The following RTN1 variants were observed in gnomAD, a reference collection of about 807,000 sequenced individuals.
RTN1 encodes reticulon-1.
Under a neutral mutation model 65.5 loss-of-function variants are expected in RTN1, and 25 were observed. The ratio of observed to expected loss-of-function variants is 0.38; its 90% CI spans 0.28 to 0.53. RTN1 has a LOEUF of 0.53. Among genes scored for constraint, RTN1 ranks in the 20% least tolerant of loss-of-function variants. RTN1 has a pLI of 0.79. For synonymous variants in RTN1, 471 were observed against 447.6 expected (o/e 1.05, Z -0.66); for missense variants, 983 against 1,025.4 (o/e 0.96, Z 0.57).
rs781043037 is a variant in RTN1 at position 59,603,916 on chromosome 14, T to C, written c.2118A>G (p.Ala706=). ...CGTAGGTCAGGAGCCACATCAGGAC[T>C]GCAAACTGAAGAACGAAAGCATTAT... The part of the protein sequence containing the change: ...VQDLVDSLKF[A]VLMWLLTYVG... Residue 706 remains alanine (A), a synonymous_variant, in exon 6 of 9, where the codon GCA becomes GCG. Transcript: ENST00000267484. 1 of 1,611,116 alleles carries C rather than the reference T, an allele frequency of 6.2e-7. No individual in the cohort carries two copies. Among genetic ancestry groups the C allele is most frequent in the South Asian group, 1.1e-5 (1 of 91,034 alleles).
intron 3 of RTN1, among the ~76,000 whole-genome samples, chr14:59,666,426 G>A (rs1236468492): frequency 6.6e-6 from 1 of 152,056 alleles, no homozygotes. Context: ...GAATCTCTGG[G>A]ACACATTTAA....
At chr14:59,786,573 G>C (rs1886253281) in intron 1 of RTN1, among the ~76,000 whole-genome samples, 1 of 152,156 alleles carries the variant, frequency 6.6e-6, no homozygotes, top group South Asian at 2.1e-4. Flanking sequence ...ACCCTTTTCA[G>C]ATTTTTCATT....
At chr14:59,729,132 A>G (rs770687152) in intron 2 of RTN1, among the ~76,000 whole-genome samples, 2 of 152,202 alleles carry the variant, frequency 1.3e-5, no homozygotes, top group Non-Finnish European at 2.9e-5. Context: ...TCATGAAGAT[A>G]TCCAGAGGAA....
Position 59,868,474 on chromosome 14 carries a change from A to AT in RTN1, c.241+1915dup, listed in dbSNP as rs765674731. Among the ~76,000 whole-genome samples, 51 of 152,222 alleles carry AT rather than the reference A, an allele frequency of 3.4e-4. No individual in the cohort carries two copies. The highest frequency in any genetic ancestry group is 6.8e-4 in the Non-Finnish European group (46 of 68,040). ...TAATAATACTAAAAATGCAAAATGC[A>AT]TTGTTATTTACTACAGCCACCTTTC... On this transcript the variant is annotated intron_variant, in intron 1 of 8. Transcript: ENST00000267484. The surrounding 1 kb of genome is among the most constrained non-coding windows in gnomAD (Gnocchi z 4.0).
chr14:59,847,032 C>A (rs1887423359), intron 1 of RTN1, among the ~76,000 whole-genome samples: 1 of 152,194 alleles, frequency 6.6e-6, no homozygotes, highest in Non-Finnish European at 1.5e-5. Flanking sequence ...GGTGCTGTCC[C>A]TCTCTGAATA....
chr14:59,789,564 T>C (rs1250575563), intron 1 of RTN1, among the ~76,000 whole-genome samples: 1 of 152,186 alleles, frequency 6.6e-6, no homozygotes, highest in Non-Finnish European at 1.5e-5. Flanking sequence ...GATGCTTTTC[T>C]AGGAACTATA....
intron 3 of RTN1, chr14:59,630,781 A>G (rs1882533516): frequency 1.9e-6 from 2 of 1,057,160 alleles, no homozygotes; most frequent in Non-Finnish European, 2.3e-6. Flanking sequence ...GGGCTGCCCA[A>G]GGGTGCTACC....
At chr14:59,837,250 T>C (rs1348023071) in intron 1 of RTN1, among the ~76,000 whole-genome samples, 2 of 152,080 alleles carry the variant, frequency 1.3e-5, no homozygotes, top group Non-Finnish European at 2.9e-5. Flanking sequence ...ATGGTGTTGA[T>C]GATTGGTTAA....
intron 1 of RTN1, among the ~76,000 whole-genome samples, chr14:59,773,051 C>T (rs139933490): frequency 1.1e-4 from 17 of 152,072 alleles, no homozygotes; most frequent in East Asian, 3.9e-4. Context: ...AGTAAAACTG[C>T]GGAGCAATTA....
At chr14:59,864,745 A>G (rs1887768859) in intron 1 of RTN1, among the ~76,000 whole-genome samples, 1 of 152,204 alleles carries the variant, frequency 6.6e-6, no homozygotes, top group Non-Finnish European at 1.5e-5. Flanking sequence ...TTGAAAGGTA[A>G]GGTGTGAAGA....
At chr14:59,620,193 G>C (rs1882217554) in intron 3 of RTN1, among the ~76,000 whole-genome samples, 1 of 152,176 alleles carries the variant, frequency 6.6e-6, no homozygotes, top group Non-Finnish European at 1.5e-5. Flanking sequence ...GGAAGTTACA[G>C]TTGTGGCCAC....
At chr14:59,812,187 CAT>C (rs1350403370) in intron 1 of RTN1, among the ~76,000 whole-genome samples, 6 of 152,194 alleles carry the variant, frequency 3.9e-5, no homozygotes, top group Non-Finnish European at 8.8e-5. Context: ...TATCAAATAA[CAT>C]ATGCATTCCT....
intron 3 of RTN1, among the ~76,000 whole-genome samples, chr14:59,670,646 TCAACTATA>T (rs11278202): frequency 0.4 from 60,941 of 151,658 alleles, 12,748 homozygotes; most frequent in African/African-American, 0.51. Context: ...CCAATCTCCT[TCAACTATA>T]TGTGTCAGTA....
At chr14:59,628,616 G>GCT (rs1882462458) in intron 3 of RTN1, among the ~76,000 whole-genome samples, 2 of 152,158 alleles carry the variant, frequency 1.3e-5, no homozygotes, top group African/African-American at 4.8e-5. Context: ...GATGACCAAA[G>GCT]GTCGCTGAGT....
chr14:59,857,787 G>A (rs530358320), intron 1 of RTN1, among the ~76,000 whole-genome samples: 1 of 152,262 alleles, frequency 6.6e-6, no homozygotes, highest in South Asian at 2.1e-4. Flanking sequence ...ATATAAGCCT[G>A]CAAAGATCCC....
chr14:59,607,914 A>T (rs1489197132), intron 3 of RTN1, among the ~76,000 whole-genome samples: 1 of 144,448 alleles, frequency 6.9e-6, no homozygotes, highest in South Asian at 2.1e-4. Context: ...AAAAAAAAAA[A>T]AGAGAGAGAG....
intron 1 of RTN1, among the ~76,000 whole-genome samples, chr14:59,762,054 T>C (rs1045142193): frequency 2.0e-5 from 3 of 152,142 alleles, no homozygotes; most frequent in Admixed American, 2.0e-4. Flanking sequence ...CATGACATGG[T>C]ATGCAGTAGG....
chr14:59,867,223 T>C (rs994959601), intron 1 of RTN1, among the ~76,000 whole-genome samples: 3 of 152,242 alleles, frequency 2.0e-5, no homozygotes, highest in African/African-American at 7.2e-5. Context: ...TTTCCTTTTG[T>C]TATTGTATGC....
intron 1 of RTN1, among the ~76,000 whole-genome samples, chr14:59,791,706 A>G (rs1204038688): frequency 6.6e-6 from 1 of 152,144 alleles, no homozygotes; most frequent in Admixed American, 6.5e-5. Flanking sequence ...CCTTACCTCC[A>G]TCACTCACTC....
Sources: gnomAD v4.1 joint callset for allele counts (sites outside exome capture counted in the v4.1 genomes callset) on GRCh38, gnomAD v4.1.1 for gene constraint, Gnocchi (gnomAD v3.1) non-coding constraint, MANE v1.5 for transcripts, NCBI Gene and HGNC (gene_info 2026-07-23, HGNC 2026-07-21) for gene names.